COTL1: variants seen among roughly 807,000 people sequenced by gnomAD.
The protein encoded by COTL1 is coactosin like F-actin binding protein 1.
COTL1 carries 15 observed loss-of-function variants against 16.5 expected under a neutral mutation model. The observed-to-expected ratio is 0.91, with a 90% CI of 0.61 to 1.40. The LOEUF is 1.40. COTL1 is among the 40% of genes most tolerant of loss of function. The pLI is 0.00. For missense variants in COTL1, 220 were observed against 201.5 expected, an observed-to-expected ratio of 1.09 and a Z score of -0.56; for synonymous variants, 112 against 85.3, an observed-to-expected ratio of 1.31 and a Z score of -1.73.
chr16:84,583,559 C>A (rs973734855), intron 3 of COTL1, among the ~76,000 whole-genome samples: 3 of 152,300 alleles, frequency 2.0e-5, no homozygotes, highest in South Asian at 2.1e-4. Flanking sequence ...TGGGCTCAAG[C>A]GATCCTCCCA....
intron 2 of COTL1, among the ~76,000 whole-genome samples, chr16:84,613,006 C>CTTTCT (rs1555524849): frequency 6.0e-4 from 83 of 137,264 alleles, no homozygotes; most frequent in Admixed American, 1.2e-3. Flanking sequence ...TTCTTTCTTT[C>CTTTCT]TTTTTTTTTT....
At chr16:84,615,395 C>T (rs529953983) in intron 2 of COTL1, among the ~76,000 whole-genome samples, 1 of 152,272 alleles carries the variant, frequency 6.6e-6, no homozygotes, top group Non-Finnish European at 1.5e-5. Context: ...TCCCACTACA[C>T]CAGAGTGGGC....
rs1223210979 is a variant in COTL1, at chr16:84,576,320, GT to G, written c.319-9366del. 3 of 152,276 alleles carry G rather than the reference GT, an allele frequency of 2.0e-5. No individual in the cohort carries two copies. In the East Asian group the frequency reaches 5.8e-4, roughly 29 times the overall value. The allele number at this position is 152,276 out of a possible 1,614,324, so 9.4% of individuals were successfully genotyped here. A position where few individuals can be genotyped will look rare whatever the true frequency, so the allele number is the denominator to read the frequency against. On this transcript the variant is annotated intron_variant, in intron 3 of 3. Coordinates refer to ENST00000262428, the MANE Select transcript of COTL1 (RefSeq NM_021149.5). ...GGGAAGCTCCGGGGAGAAAACATGAGTGGGGATTCTTGGGCAGTTCCATTTG... is the reference window on the plus strand; with the variant it reads ...GGGAAGCTCCGGGGAGAAAACATGAGGGGGATTCTTGGGCAGTTCCATTTG...
At chr16:84,615,645 G>A (rs908817478) in intron 2 of COTL1, among the ~76,000 whole-genome samples, 7 of 152,190 alleles carry the variant, frequency 4.6e-5, no homozygotes, top group African/African-American at 1.7e-4. Flanking sequence ...GCTGTTCACG[G>A]ACCGGAGGGG....
intron 3 of COTL1, among the ~76,000 whole-genome samples, chr16:84,577,663 C>T (rs574225809): frequency 1.3e-5 from 2 of 152,216 alleles, no homozygotes; most frequent in African/African-American, 2.4e-5. Context: ...GTCAAACCCT[C>T]GTAGCTCAGG....
chr16:84,595,173 A>G (rs1567536669), intron 2 of COTL1: 1 of 152,404 alleles, frequency 6.6e-6, no homozygotes, highest in Non-Finnish European at 1.5e-5. Context: ...AACCTTCCAG[A>G]ACCACAGCCT....
At chr16:84,584,798 A>G (rs1161400666) in intron 3 of COTL1, among the ~76,000 whole-genome samples, 2 of 152,338 alleles carry the variant, frequency 1.3e-5, no homozygotes, top group East Asian at 3.9e-4. Context: ...ATATTTGCTC[A>G]TTTAATCCCC....
rs1244110111 is a variant in COTL1 at position 84,587,431 on chromosome 16, T to A, written c.318+2674A>T. ...AACTCAACAGAAGACAGAAAGGAGC[T>A]GCATGTATTAAAATGTTGGTTGGAA... On this transcript the variant is annotated intron_variant, in intron 3 of 3. Transcript: ENST00000262428. Among the ~76,000 whole-genome samples, 3 of 152,146 alleles carry A rather than the reference T, an allele frequency of 2.0e-5. No homozygotes were observed. In the East Asian group the frequency reaches 5.8e-4, roughly 29 times the overall value.
chr16:84,613,751 T>C (rs1003932913), intron 2 of COTL1, among the ~76,000 whole-genome samples: 3 of 152,192 alleles, frequency 2.0e-5, no homozygotes, highest in Admixed American at 1.3e-4. Flanking sequence ...ATGGACACTT[T>C]TGTGAAAGTG....
At chr16:84,600,413 A>G (rs1380332615) in intron 2 of COTL1, among the ~76,000 whole-genome samples, 1 of 151,384 alleles carries the variant, frequency 6.6e-6, no homozygotes, top group African/African-American at 2.4e-5. Flanking sequence ...CCTGGGTTCA[A>G]GCGATTCTCC....
At chr16:84,609,223 G>A (rs1237841674) in intron 2 of COTL1, among the ~76,000 whole-genome samples, 4 of 152,330 alleles carry the variant, frequency 2.6e-5, no homozygotes, top group Middle Eastern at 3.4e-3. Flanking sequence ...TATACGCAGA[G>A]GTCATGGACA....
chr16:84,574,508 G>A (rs368915190), intron 3 of COTL1, among the ~76,000 whole-genome samples: 40 of 152,324 alleles, frequency 2.6e-4, no homozygotes, highest in African/African-American at 9.1e-4. Flanking sequence ...GGCCTCATCC[G>A]ACGAAGTCTC....
In COTL1 at chr16:84,566,944, C is replaced by T; in HGVS notation, c.330G>A (p.Lys110=). The change falls in exon 4 of 4, where the codon AAG becomes AAA. Residue 110 remains lysine (K), a synonymous_variant. Transcript: ENST00000262428. ...CCTTCCGATCACTGATCACAAACTC[C>T]TTAGCGAAATTCTGCAAGAACAAAG... The part of the protein sequence containing the change: ...LVKEVVQNFA[K]EFVISDRKEL... The T allele has an allele frequency of 6.2e-7, 1 of 1,613,046 alleles. No individual in the cohort carries two copies. Among genetic ancestry groups the T allele is most frequent in the Non-Finnish European group, 8.5e-7 (1 of 1,179,040 alleles).
intron 2 of COTL1, among the ~76,000 whole-genome samples, chr16:84,604,113 C>T (rs1454482772): frequency 7.1e-6 from 1 of 140,158 alleles, no homozygotes; most frequent in Non-Finnish European, 1.6e-5. Flanking sequence ...GCTCCCCTCC[C>T]ACTCCCCACC....
intron 2 of COTL1, among the ~76,000 whole-genome samples, chr16:84,602,483 G>A (rs1017037430): frequency 6.6e-6 from 1 of 151,968 alleles, no homozygotes; most frequent in Non-Finnish European, 1.5e-5. Flanking sequence ...CAGAGAGCAG[G>A]AATGAATAGA....
rs186163070 is a variant in COTL1, at chr16:84,571,717, T to C, written c.319-4762A>G. ...GGCAGACTGGTCATGCACGGGCCCA[T>C]TGCCTGGACGTCACGTGGACACATG... is the stretch of plus-strand genomic sequence containing the variant. On this transcript the variant is annotated intron_variant, in intron 3 of 3. Transcript: ENST00000262428. Among the ~76,000 whole-genome samples, 14 of 152,316 alleles carry C rather than the reference T, an allele frequency of 9.2e-5. No individual in the cohort carries two copies. The East Asian group carries it at 2.3e-3, about 25-fold the overall frequency.
chr16:84,607,354 G>C (rs557559402), intron 2 of COTL1, among the ~76,000 whole-genome samples: 2 of 152,116 alleles, frequency 1.3e-5, no homozygotes, highest in South Asian at 4.2e-4. Flanking sequence ...CGGCACAGGG[G>C]AAGAGCTGAG....
chr16:84,572,496 T>C (rs1904355218), intron 3 of COTL1, among the ~76,000 whole-genome samples: 1 of 152,174 alleles, frequency 6.6e-6, no homozygotes, highest in African/African-American at 2.4e-5. Flanking sequence ...AGTCTCACTC[T>C]GTCACCCAAG....
chr16:84,599,894 G>A (rs1905076730), intron 2 of COTL1, among the ~76,000 whole-genome samples: 1 of 152,198 alleles, frequency 6.6e-6, no homozygotes, highest in Non-Finnish European at 1.5e-5. Flanking sequence ...GGACAGCTGG[G>A]CAGTCGCCAT....
Sources: allele counts gnomAD v4.1 joint callset (sites outside exome capture counted in the v4.1 genomes callset), GRCh38; gene constraint gnomAD v4.1.1; transcripts MANE v1.5; gene names NCBI Gene and HGNC (gene_info 2026-07-23, HGNC 2026-07-21).